The following RBPJ variants were observed in gnomAD, a reference collection of about 807,000 sequenced individuals.
RBPJ encodes the protein recombination signal binding protein for immunoglobulin kappa J region.
In RBPJ, 9 loss-of-function variants were observed where a neutral mutation model predicts 67.8. That is an observed-to-expected ratio of 0.13 (90% CI 0.08 to 0.23). The LOEUF is 0.23. RBPJ is among the 10% of genes least tolerant of loss of function. The pLI, the probability that RBPJ is intolerant of heterozygous loss-of-function variation, is 1.00. For missense variants in RBPJ, 305 were observed against 595.6 expected, an observed-to-expected ratio of 0.51 and a Z score of 5.08; for synonymous variants, 198 against 203.3, an observed-to-expected ratio of 0.97 and a Z score of 0.22.
intron 7 of RBPJ, among the ~76,000 whole-genome samples, chr4:26,427,623 G>A (rs192868018): frequency 1.3e-5 from 2 of 152,272 alleles, no homozygotes; most frequent in Non-Finnish European, 2.9e-5. Flanking sequence ...GAAAAGTGCC[G>A]TGAGATGCAT....
intron 1 of RBPJ, among the ~76,000 whole-genome samples, chr4:26,168,832 C>T (rs1008137857): frequency 1.3e-5 from 2 of 152,068 alleles, no homozygotes; most frequent in Non-Finnish European, 2.9e-5. Context: ...CATCTTCCAT[C>T]GCTGATACCC....
intron 1 of RBPJ, among the ~76,000 whole-genome samples, chr4:26,371,369 C>T (rs1729144395): frequency 6.6e-6 from 1 of 152,146 alleles, no homozygotes; most frequent in Non-Finnish European, 1.5e-5. Flanking sequence ...CAATATTGTA[C>T]ACACATGAGT....
At chr4:26,128,310 T>C in the RBPJ span, among the ~76,000 whole-genome samples, 2 of 152,192 alleles carry the variant, frequency 1.3e-5, no homozygotes, top group African/African-American at 4.8e-5. Context: ...TTTGCTGACT[T>C]TTAAAGCACA....
intron 1 of RBPJ, among the ~76,000 whole-genome samples, chr4:26,224,431 C>CG (rs752837820): frequency 1.3e-5 from 2 of 152,108 alleles, no homozygotes; most frequent in East Asian, 3.9e-4. Flanking sequence ...AGACAGGTAT[C>CG]GGGGGAACCA....
In RBPJ at chr4:26,342,402, G is replaced by A. The variant is rs115977334; in HGVS notation, c.20+21354G>A. The stretch of plus-strand genomic sequence containing the variant: ...ACTTAACCAAGTTTACCTGCTAGTT[G>A]GTGGGAGAAATGGAATTCAAACCTG... On this transcript the variant is annotated intron_variant, in intron 1 of 10. Coordinates refer to ENST00000355476, the MANE Select transcript of RBPJ (RefSeq NM_015874.6). 5.1e-3 allele frequency among the ~76,000 whole-genome samples: 774 copies of A among 152,232 alleles called. 10 individuals are homozygous for A. Among genetic ancestry groups the A allele is most frequent in the African/African-American group, 0.018 (742 of 41,556 alleles).
chr4:26,417,095 A>G (rs1456641278), intron 4 of RBPJ, among the ~76,000 whole-genome samples: 1 of 152,202 alleles, frequency 6.6e-6, no homozygotes, highest in Non-Finnish European at 1.5e-5. Context: ...AGGAAGTCTC[A>G]GAGTTATATG....
chr4:26,352,553 A>G (rs191989041), intron 1 of RBPJ, among the ~76,000 whole-genome samples: 229 of 152,334 alleles, frequency 1.5e-3, no homozygotes, highest in Non-Finnish European at 2.7e-3. Context: ...TACTCCCAGC[A>G]CTTTGGGAGG....
At chr4:26,369,583 T>A (rs778348633) in intron 1 of RBPJ, among the ~76,000 whole-genome samples, 11 of 152,206 alleles carry the variant, frequency 7.2e-5, no homozygotes, top group Non-Finnish European at 1.2e-4. Context: ...GTGGTAGATA[T>A]CCAAGTGTGA....
intron 1 of RBPJ, among the ~76,000 whole-genome samples, chr4:26,231,927 T>C: frequency 6.6e-6 from 1 of 150,800 alleles, no homozygotes. Context: ...AGTCTCACTC[T>C]GTCGCCCAGG....
At chr4:26,219,526 C>G (rs1718830662) in intron 1 of RBPJ, among the ~76,000 whole-genome samples, 1 of 152,192 alleles carries the variant, frequency 6.6e-6, no homozygotes, top group Non-Finnish European at 1.5e-5. Context: ...TTTAACTTCT[C>G]TAAGCTTCAG....
At chr4:26,335,617 CTTTTTTTTTT>C (rs34386877) in intron 1 of RBPJ, among the ~76,000 whole-genome samples, 1 of 107,838 alleles carries the variant, frequency 9.3e-6, no homozygotes, top group Non-Finnish European at 1.9e-5. Flanking sequence ...ATGCTTACTT[CTTTTTTTTTT>C]TTTTTTTTTT....
intron 3 of RBPJ, among the ~76,000 whole-genome samples, chr4:26,414,590 C>G (rs1734373939): frequency 6.6e-6 from 1 of 152,200 alleles, no homozygotes. Flanking sequence ...AAAGTGTGTA[C>G]AAGTCAACAT....
At chr4:26,328,993 T>TTTTG (rs146318397) in intron 1 of RBPJ, among the ~76,000 whole-genome samples, 1 of 151,972 alleles carries the variant, frequency 6.6e-6, no homozygotes. Flanking sequence ...GTATTGAGGT[T>TTTTG]TTTGTTTGTT....
intron 1 of RBPJ, among the ~76,000 whole-genome samples, chr4:26,356,852 CT>C (rs1727440142): frequency 6.6e-6 from 1 of 152,170 alleles, no homozygotes; most frequent in Admixed American, 6.5e-5. Context: ...TGCAGTTATA[CT>C]TTTGATAGAT....
chr4:26,195,637 C>G (rs969629642), intron 1 of RBPJ, among the ~76,000 whole-genome samples: 4 of 152,074 alleles, frequency 2.6e-5, no homozygotes, highest in Non-Finnish European at 5.9e-5. Context: ...CTCGGTCGCC[C>G]AGGCTGGAGT....
intron 1 of RBPJ, among the ~76,000 whole-genome samples, chr4:26,381,487 G>A (rs1380397619): frequency 2.6e-5 from 4 of 152,068 alleles, no homozygotes; most frequent in Admixed American, 2.6e-4. Context: ...ACACTAACTA[G>A]CATTTTCCCC....
At chr4:26,359,393 A>G (rs1727765655) in intron 1 of RBPJ, among the ~76,000 whole-genome samples, 1 of 150,618 alleles carries the variant, frequency 6.6e-6, no homozygotes, top group East Asian at 1.9e-4. Flanking sequence ...CAGTATTGCA[A>G]TGACCATTAT....
At position 26,424,788 on chromosome 4, in the gene RBPJ, A is replaced by T. The variant is rs749057159; in HGVS notation, c.747+45A>T. On this transcript the variant is annotated intron_variant, in intron 7 of 10. Coordinates refer to ENST00000355476, the MANE Select transcript of RBPJ (RefSeq NM_015874.6). This position sits in a 1 kb window ranked among gnomAD's most constrained non-coding sequence, Gnocchi z 5.3. ...TTAGTGATAATGTGAAGTAAAAATT[A>T]ATTTCTTAAACAGGAAAATCACAAC... The T allele has an allele frequency of 1.8e-6, 2 of 1,136,232 alleles. No individual in the cohort carries two copies. The highest frequency in any genetic ancestry group is 3.1e-5 in the African/African-American group (2 of 64,506). The allele number at this position is 1,136,232 out of a possible 1,614,324, so 70.4% of individuals were successfully genotyped here.
At chr4:26,285,606 A>G (rs1721437041) in intron 1 of RBPJ, among the ~76,000 whole-genome samples, 1 of 150,646 alleles carries the variant, frequency 6.6e-6, no homozygotes, top group Non-Finnish European at 1.5e-5. Flanking sequence ...AGTGACTGCC[A>G]TCAACTCTAC....
Sources: allele counts gnomAD v4.1 joint callset (sites outside exome capture counted in the v4.1 genomes callset), GRCh38; gene constraint gnomAD v4.1.1; non-coding constraint Gnocchi (gnomAD v3.1); transcripts MANE v1.5; gene names NCBI Gene and HGNC (gene_info 2026-07-23, HGNC 2026-07-21).